Variants in R3HCC1L observed in about 807,000 individuals in gnomAD.
R3HCC1L encodes the protein R3H domain and coiled-coil containing 1 like, also known as coiled-coil domain-containing protein R3HCC1L.
R3HCC1L carries 51 observed loss-of-function variants against 59.9 expected under a neutral mutation model. The ratio of observed to expected loss-of-function variants is 0.85; its 90% confidence interval spans 0.68 to 1.07. The LOEUF (loss-of-function observed/expected upper bound fraction) is 1.07. R3HCC1L is among the 50% of genes least tolerant of loss of function. The pLI is 0.00. For synonymous variants in R3HCC1L, 322 were observed against 315.2 expected (o/e 1.02, Z -0.23); for missense variants, 965 against 933.0 (o/e 1.03, Z -0.45).
Position 98,243,777 on chromosome 10 carries a change from G to A in R3HCC1L, c.2270-314G>A, listed in dbSNP as rs116097570. ...CAATTGTGTTGAAGCACTAAACATA[G>A]TTGAAAAGTAGAATTTAAATATGTA... On this transcript the variant is annotated intron_variant, in intron 9 of 9. Coordinates refer to ENST00000298999, the MANE Select transcript of R3HCC1L (RefSeq NM_001351015.2). Among the ~76,000 whole-genome samples, 302 of 152,280 alleles carry A rather than the reference G, an allele frequency of 2.0e-3. 5 individuals are homozygous for A. Among genetic ancestry groups the A allele is most frequent in the Middle Eastern group, 0.01 (3 of 294 alleles).
Position 98,208,648 on chromosome 10 carries a change from A to G in R3HCC1L, c.534A>G (p.Lys178=). 1 of 1,614,138 alleles carries G rather than the reference A, an allele frequency of 6.2e-7. No homozygotes were observed. The highest frequency in any genetic ancestry group is 8.5e-7 in the Non-Finnish European group (1 of 1,180,016). The stretch of plus-strand genomic sequence containing the variant: ...TCAGCGAGGCTCAAGTTCCAAGCAA[A>G]CCATTCCAAAATGTGGAATTCTGTG... ...LEISEAQVPS[K]PFQNVEFCDF... is the part of the protein sequence containing the mutation. The change falls in exon 5 of 10, where the codon AAA becomes AAG. Residue 178 remains lysine (K), a synonymous_variant. Transcript: ENST00000298999.
At chr10:98,201,003 G>A (rs1851979700) in intron 4 of R3HCC1L, among the ~76,000 whole-genome samples, 1 of 152,116 alleles carries the variant, frequency 6.6e-6, no homozygotes, top group Admixed American at 6.5e-5. Context: ...TACTGGGAGG[G>A]AAAATCGTAG....
At position 98,209,395 on chromosome 10, in the gene R3HCC1L, A is replaced by T. The variant is rs369788899; in HGVS notation, c.1281A>T (p.Val427=). 58 of 1,613,756 alleles carry T rather than the reference A, an allele frequency of 3.6e-5. No homozygotes were observed. The highest frequency in any genetic ancestry group is 4.8e-5 in the Non-Finnish European group (57 of 1,179,970). Residue 427 remains valine (V), a synonymous_variant, in exon 5 of 10, where the codon GTA becomes GTT. Transcript: ENST00000298999. ...GTGCAGATGCAACCCCTCTTCATGT[A>T]GCTAGAAGTGGGAATGACACTGAAG... The part of the protein sequence containing the change: ...GMSADATPLH[V]ARSGNDTEDF...
chr10:98,198,349 A>G (rs1244203015), intron 4 of R3HCC1L, among the ~76,000 whole-genome samples: 1 of 152,146 alleles, frequency 6.6e-6, no homozygotes, highest in Non-Finnish European at 1.5e-5. Flanking sequence ...CCATGCCTTT[A>G]CAAATGGACA....
intron 5 of R3HCC1L, among the ~76,000 whole-genome samples, chr10:98,215,297 T>C (rs914367567): frequency 4.6e-5 from 7 of 152,184 alleles, no homozygotes; most frequent in Non-Finnish European, 8.8e-5. Context: ...TTGTGAAATA[T>C]ACCATTATTT....
At chr10:98,164,986 A>G (rs1034907255) in intron 4 of R3HCC1L, among the ~76,000 whole-genome samples, 4 of 152,220 alleles carry the variant, frequency 2.6e-5, no homozygotes, top group African/African-American at 9.6e-5. Flanking sequence ...TTGCCTGGGC[A>G]TGGCAGCTCA....
chr10:98,158,692 A>G (rs751879911), intron 2 of R3HCC1L, among the ~76,000 whole-genome samples: 18 of 152,188 alleles, frequency 1.2e-4, no homozygotes, highest in Non-Finnish European at 2.6e-4. Context: ...TTCAGATTTT[A>G]CTCATTGGCC....
At chr10:98,199,579 A>T (rs1426422703) in intron 4 of R3HCC1L, among the ~76,000 whole-genome samples, 3 of 151,966 alleles carry the variant, frequency 2.0e-5, no homozygotes, top group Non-Finnish European at 4.4e-5. Context: ...TCCCAGTTGT[A>T]ATCAGTGTTA....
intron 2 of R3HCC1L, among the ~76,000 whole-genome samples, chr10:98,157,468 G>T (rs1166278932): frequency 3.9e-5 from 6 of 152,214 alleles, no homozygotes; most frequent in Non-Finnish European, 8.8e-5. Context: ...CACAGAGGAG[G>T]AGGGGATCTC....
At chr10:98,229,259 A>G (rs1031549696) in intron 5 of R3HCC1L, among the ~76,000 whole-genome samples, 3 of 151,984 alleles carry the variant, frequency 2.0e-5, no homozygotes, top group East Asian at 1.9e-4. Flanking sequence ...CTTTTATTTC[A>G]TCAAGCAGTG....
intron 1 of R3HCC1L, among the ~76,000 whole-genome samples, chr10:98,139,611 T>C (rs754102358): frequency 7.2e-5 from 11 of 152,230 alleles, no homozygotes; most frequent in African/African-American, 2.4e-4. Flanking sequence ...TAAGAGCTTA[T>C]TGAATTACAG....
intron 4 of R3HCC1L, among the ~76,000 whole-genome samples, chr10:98,166,841 A>G (rs912258459): frequency 1.3e-5 from 2 of 151,886 alleles, no homozygotes; most frequent in Admixed American, 6.6e-5. Flanking sequence ...AATTTTTTGT[A>G]TTTTTAGTAG....
At chr10:98,187,424 C>T (rs1182928772) in intron 4 of R3HCC1L, among the ~76,000 whole-genome samples, 1 of 151,860 alleles carries the variant, frequency 6.6e-6, no homozygotes, top group Non-Finnish European at 1.5e-5. Context: ...AATCATAGGT[C>T]TCTTAATCAT....
chr10:98,193,831 A>G (rs1851116153), intron 4 of R3HCC1L, among the ~76,000 whole-genome samples: 1 of 152,160 alleles, frequency 6.6e-6, no homozygotes, highest in African/African-American at 2.4e-5. Flanking sequence ...AATCTGTACA[A>G]GAAGACCAAT....
chr10:98,209,202 G>T lies in R3HCC1L; in HGVS notation c.1088G>T (p.Ser363Ile), dbSNP rs779792973. The T allele has an allele frequency of 6.2e-7, 1 of 1,613,842 alleles. No individual in the cohort carries two copies. The highest frequency in any genetic ancestry group is 1.1e-5 in the South Asian group (1 of 91,090). The change falls in exon 5 of 10, where the codon AGT (serine) becomes ATT (isoleucine). Residue 363 changes from serine (S) to isoleucine (I), a missense_variant. Transcript: ENST00000298999. Reference sequence around the variant, plus strand: ...CTTGCTCATGAAACACATAGAGATAGTGGATTTAAGAATGTAGGTGACATT... The same window carrying T: ...CTTGCTCATGAAACACATAGAGATATTGGATTTAAGAATGTAGGTGACATT... ...AVLAHETHRD[S>I]GFKNVGDITN...
intron 6 of R3HCC1L, among the ~76,000 whole-genome samples, chr10:98,232,316 A>G (rs1029166653): frequency 6.6e-6 from 1 of 151,914 alleles, no homozygotes; most frequent in Non-Finnish European, 1.5e-5. Context: ...AGACAAAATA[A>G]CTCTTCTTTT....
intron 4 of R3HCC1L, among the ~76,000 whole-genome samples, chr10:98,172,056 A>G (rs1484433456): frequency 6.6e-6 from 1 of 152,238 alleles, no homozygotes; most frequent in African/African-American, 2.4e-5. Flanking sequence ...CCTAGTTTTA[A>G]TCGCTATCCT....
At chr10:98,232,212 A>G (rs1856478919) in intron 6 of R3HCC1L, among the ~76,000 whole-genome samples, 1 of 151,926 alleles carries the variant, frequency 6.6e-6, no homozygotes, top group Non-Finnish European at 1.5e-5. Context: ...TTAGTCTCAA[A>G]CTCCTGCACT....
rs948347072 is a variant in R3HCC1L at position 98,237,179 on chromosome 10, A to G, written c.2269+1015A>G. 2.6e-5 allele frequency among the ~76,000 whole-genome samples: 4 copies of G among 152,166 alleles called. No homozygotes were observed. In the East Asian group the frequency reaches 7.7e-4, roughly 29 times the overall value. ...TAATTTTTGAAACTTTAATGATTATAATGAGGCAGTTTCCATGTTTTCCAA... is the reference window on the plus strand; with the variant it reads ...TAATTTTTGAAACTTTAATGATTATGATGAGGCAGTTTCCATGTTTTCCAA... On this transcript the variant is annotated intron_variant, in intron 9 of 9. Coordinates refer to ENST00000298999, the MANE Select transcript of R3HCC1L (RefSeq NM_001351015.2).
Sources: allele counts gnomAD v4.1 joint callset (sites outside exome capture counted in the v4.1 genomes callset), GRCh38; gene constraint gnomAD v4.1.1; transcripts MANE v1.5; gene names NCBI Gene and HGNC (gene_info 2026-07-23, HGNC 2026-07-21).